The following ZNF789 variants were observed in gnomAD, a reference collection of about 807,000 sequenced individuals.
The protein encoded by ZNF789 is zinc finger protein 789.
A neutral mutation model predicts 15.6 loss-of-function variants in ZNF789; 11 were observed. That is an observed-to-expected ratio of 0.70 (90% confidence interval 0.44 to 1.16). The LOEUF (loss-of-function observed/expected upper bound fraction) is 1.16, where lower values mean the gene tolerates loss of function less well. ZNF789 is among the 50% of genes most tolerant of loss of function. The pLI is 0.00. For synonymous variants in ZNF789, 159 were observed against 176.0 expected (o/e 0.90, Z 0.76); for missense variants, 461 against 512.6 (o/e 0.90, Z 0.97).
rs1562889107 is a variant in ZNF789, at chr7:99,486,994, T to C, written c.784T>C (p.Cys262Arg). The change falls in exon 5 of 5, where the codon TGT (cysteine) becomes CGT (arginine). Residue 262 changes from cysteine (C) to arginine (R), a missense_variant. Transcript: ENST00000331410. ...AAACAAGCCATACAGATGTCATGAC[T>C]GTGGAAAGTGTTTTCGGCAGCTCGC... ...LQNKPYRCHD[C>R]GKCFRQLAYL... 9 of 1,614,164 alleles carry C rather than the reference T, an allele frequency of 5.6e-6. No homozygotes were observed. The highest frequency in any genetic ancestry group is 7.6e-6 in the Non-Finnish European group (9 of 1,180,028).
At chr7:99,482,410 G>T (rs1450191964) in intron 3 of ZNF789, 4 of 603,876 alleles carry the variant, frequency 6.6e-6, no homozygotes, top group East Asian at 2.8e-5. Flanking sequence ...CACTGGTCAC[G>T]TGAGGTCAGG....
At position 99,487,395 on chromosome 7, in the gene ZNF789, A is replaced by G. The variant is rs769021595; in HGVS notation, c.1185A>G (p.Gln395=). Residue 395 remains glutamine (Q), a synonymous_variant, in exon 5 of 5, where the codon CAA becomes CAG. Coordinates refer to ENST00000331410, the MANE Select transcript of ZNF789 (RefSeq NM_213603.3). ...ATCAGGTCATTCACACTGGAAGCCA[A>G]CCCTACCAATGTGTCATATGTGGAA... ...FRHQVIHTGS[Q]PYQCVICGKS... The G allele has an allele frequency of 2.2e-5, 36 of 1,614,120 alleles. No individual in the cohort carries two copies. The highest frequency in any genetic ancestry group is 3.0e-5 in the Non-Finnish European group (35 of 1,180,052).
rs747545824 is a variant in ZNF789, at chr7:99,476,451, G to A, written c.-6G>A. The A allele has an allele frequency of 6.2e-7, 1 of 1,611,246 alleles. No individual in the cohort carries two copies. Among genetic ancestry groups the A allele is most frequent in the Non-Finnish European group, 8.5e-7 (1 of 1,179,020 alleles). On this transcript the variant is annotated 5_prime_UTR_variant, in exon 2 of 5. Coordinates refer to ENST00000331410, the MANE Select transcript of ZNF789 (RefSeq NM_213603.3). ...ACCCCTTGCAAAAGACCAGGCCGTG[G>A]AAGCCATGTTCCCACCAGCCAGGGG...
chr7:99,485,442 C>G (rs892574542), intron 4 of ZNF789: 1 of 606,796 alleles, frequency 1.6e-6, no homozygotes, highest in East Asian at 2.8e-5. Context: ...TTGCTCTATT[C>G]AGTTGGCTTT....
Position 99,476,364 on chromosome 7 carries a change from A to C in ZNF789, c.-54-39A>C. ...CAGATCTGCCAACCAAGAGAGCTTC[A>C]AATTAGGGCTGGCCTTACTGACTTT... On this transcript the variant is annotated intron_variant, in intron 1 of 4. Coordinates refer to ENST00000331410, the MANE Select transcript of ZNF789 (RefSeq NM_213603.3). The C allele has an allele frequency of 2.0e-6, 3 of 1,488,410 alleles. No individual in the cohort carries two copies. The South Asian group carries it at 3.7e-5, about 18-fold the overall frequency. The allele number at this position is 1,488,410 out of a possible 1,614,324, so 92.2% of individuals were successfully genotyped here.
At chr7:99,474,151 T>C (rs1268644576) in intron 1 of ZNF789, among the ~76,000 whole-genome samples, 1 of 152,162 alleles carries the variant, frequency 6.6e-6, no homozygotes, top group Non-Finnish European at 1.5e-5. Context: ...ACAAACACAT[T>C]CAGTAAATAT....
intron 3 of ZNF789, chr7:99,481,880 C>T (rs13438585): frequency 0.028 from 10,806 of 390,716 alleles, 824 homozygotes; most frequent in African/African-American, 0.18. Context: ...AAATCACCTG[C>T]AGGCCTACTT....
chr7:99,484,177 AG>A lies in ZNF789; in HGVS notation c.265+36del, dbSNP rs1799792393. 4 of 1,547,426 alleles carry A rather than the reference AG, an allele frequency of 2.6e-6. No homozygotes were observed. The African/African-American group carries it at 5.5e-5, about 21-fold the overall frequency. On this transcript the variant is annotated intron_variant, in intron 4 of 4. Transcript: ENST00000331410. ...GGAAGAGACCCAGGCGAGTGGAATCAGGAAGAGGAAGGGAAGGCATGTTAGT... is the reference window on the plus strand; with the variant it reads ...GGAAGAGACCCAGGCGAGTGGAATCAGAAGAGGAAGGGAAGGCATGTTAGT...
intron 2 of ZNF789, chr7:99,478,487 A>C: frequency 1.4e-6 from 1 of 705,352 alleles, no homozygotes; most frequent in Non-Finnish European, 2.2e-6. Flanking sequence ...GGATGGTCTC[A>C]GGATGGGGGT....
In ZNF789 at chr7:99,485,516, T is replaced by A. The variant is rs1584571896; in HGVS notation, c.266-960T>A. 8.3e-6 allele frequency: 4 copies of A among 481,796 alleles called. No individual in the cohort carries two copies. The East Asian group carries it at 9.7e-5, about 12-fold the overall frequency. 29.8% of individuals were successfully genotyped at this position (481,796 alleles called of 1,614,324 possible). A position where few individuals can be genotyped will look rare whatever the true frequency, so the allele number is the denominator to read the frequency against. On this transcript the variant is annotated intron_variant, in intron 4 of 4. Transcript: ENST00000331410. The stretch of plus-strand genomic sequence containing the variant: ...TATACTTTGTCCATTTTTAAGCAGA[T>A]GTTTCACCTAGAGTTATTAAAAACG...
chr7:99,477,695 C>G (rs983046791), intron 2 of ZNF789, among the ~76,000 whole-genome samples: 1 of 152,094 alleles, frequency 6.6e-6, no homozygotes, highest in Non-Finnish European at 1.5e-5. Context: ...CCTGGAATCC[C>G]AGCACTTTGG....
At chr7:99,478,396 T>G (rs1426005061) in intron 2 of ZNF789, 2 of 1,281,874 alleles carry the variant, frequency 1.6e-6, no homozygotes, top group Admixed American at 2.3e-5. Context: ...GAACTCAGGT[T>G]TGATAGGCAG....
chr7:99,486,955 C>G lies in ZNF789; in HGVS notation c.745C>G (p.Gln249Glu). ...GCGGTCAGCTCTTACGGTCCATAAA[C>G]AGTGTCACCTGCAAAACAAGCCATA... Reference protein sequence around the residue: ...RQRSALTVHKQCHLQNKPYRC... With the variant: ...RQRSALTVHKECHLQNKPYRC... The change falls in exon 5 of 5, where the codon CAG becomes GAG. Residue 249 changes from glutamine to glutamate, a missense_variant. Gln to Glu is a conservative substitution (Grantham distance 29). Transcript: ENST00000331410. The G allele has an allele frequency of 6.2e-7, 1 of 1,614,190 alleles. No homozygotes were observed. The highest frequency in any genetic ancestry group is 1.7e-5 in the Admixed American group (1 of 60,012).
chr7:99,483,613 G>C, intron 3 of ZNF789: 1 of 697,556 alleles, frequency 1.4e-6, no homozygotes, highest in South Asian at 1.5e-5. Flanking sequence ...GACAGAGCAA[G>C]ACTCTGTCTC....
At chr7:99,476,979 G>T (rs1384719918) in intron 2 of ZNF789, among the ~76,000 whole-genome samples, 1 of 151,992 alleles carries the variant, frequency 6.6e-6, no homozygotes, top group Non-Finnish European at 1.5e-5. Context: ...CTATGAACGG[G>T]TATAATGGAA....
intron 1 of ZNF789, among the ~76,000 whole-genome samples, chr7:99,475,650 CT>C (rs1441921359): frequency 6.6e-6 from 1 of 152,074 alleles, no homozygotes; most frequent in African/African-American, 2.4e-5. Context: ...ATTTGGCTTT[CT>C]CCTGTTGGTC....
At chr7:99,484,723 G>A (rs772466527) in intron 4 of ZNF789, among the ~76,000 whole-genome samples, 2 of 152,084 alleles carry the variant, frequency 1.3e-5, no homozygotes, top group Non-Finnish European at 2.9e-5. Flanking sequence ...GAGCCCAGGC[G>A]TTCAGGATCA....
chr7:99,483,260 A>C (rs1291772686), intron 3 of ZNF789, among the ~76,000 whole-genome samples: 4 of 152,066 alleles, frequency 2.6e-5, no homozygotes, highest in African/African-American at 7.2e-5. Flanking sequence ...AAAAATAAAA[A>C]TACAAAAATT....
At chr7:99,485,053 C>G (rs188246553) in intron 4 of ZNF789, among the ~76,000 whole-genome samples, 11 of 152,170 alleles carry the variant, frequency 7.2e-5, no homozygotes, top group African/African-American at 2.4e-4. Flanking sequence ...TTCTAAGTGA[C>G]AGCTCTTAGG....
Sources: gnomAD v4.1 joint callset for allele counts (sites outside exome capture counted in the v4.1 genomes callset) on GRCh38, gnomAD v4.1.1 for gene constraint, MANE v1.5 for transcripts, NCBI Gene and HGNC (gene_info 2026-07-23, HGNC 2026-07-21) for gene names.